NRXN1: variants seen among roughly 807,000 people sequenced by gnomAD.
NRXN1 encodes the protein neurexin-1.
In NRXN1, 39 loss-of-function variants were observed where a neutral mutation model predicts 150.9. The observed-to-expected ratio is 0.26, with a 90% CI of 0.20 to 0.34. The LOEUF is 0.34. Among genes scored for constraint, NRXN1 ranks in the 10% least tolerant of loss-of-function variants. NRXN1 has a pLI of 1.00. For synonymous variants in NRXN1, 924 were observed against 757.0 expected (o/e 1.22, Z -3.62); for missense variants, 1,815 against 1,949.9 (o/e 0.93, Z 1.30).
chr2:50,342,742 C>T (rs77226585), intron 17 of NRXN1, among the ~76,000 whole-genome samples: 1,708 of 152,338 alleles, frequency 0.011, 30 homozygotes, highest in African/African-American at 0.039. Context: ...AACCATTAAA[C>T]GGCATAGAGG....
chr2:51,018,205 C>A (rs918847782), intron 2 of NRXN1, among the ~76,000 whole-genome samples: 1 of 152,068 alleles, frequency 6.6e-6, no homozygotes, highest in African/African-American at 2.4e-5. Context: ...GAAGAAAGCC[C>A]TTCTGATGTC....
chr2:50,132,660 C>A (rs907435405), intron 18 of NRXN1, among the ~76,000 whole-genome samples: 1 of 151,940 alleles, frequency 6.6e-6, no homozygotes, highest in African/African-American at 2.4e-5. Flanking sequence ...AGGACAGAGA[C>A]AAGACTTCTT....
chr2:49,997,018 T>G (rs996286114), intron 21 of NRXN1, among the ~76,000 whole-genome samples: 34 of 152,344 alleles, frequency 2.2e-4, no homozygotes, highest in African/African-American at 7.5e-4. Flanking sequence ...TTTGCCTGTC[T>G]GCTTCGTTTG....
chr2:50,409,034 G>A (rs868716072), intron 17 of NRXN1, among the ~76,000 whole-genome samples: 2 of 152,110 alleles, frequency 1.3e-5, no homozygotes, highest in African/African-American at 2.4e-5. Context: ...TTTTTCAAGG[G>A]GAGGGGAGGG....
At chr2:50,673,963 G>T (rs1320959772) in intron 5 of NRXN1, among the ~76,000 whole-genome samples, 1 of 152,002 alleles carries the variant, frequency 6.6e-6, no homozygotes, top group African/African-American at 2.4e-5. Context: ...TGGGGTGCTG[G>T]GGGAGGCATA....
intron 17 of NRXN1, among the ~76,000 whole-genome samples, chr2:50,290,080 C>T (rs141764479): frequency 2.4e-4 from 36 of 152,120 alleles, no homozygotes; most frequent in African/African-American, 8.4e-4. Flanking sequence ...TCAGAATAAA[C>T]GATACCAGAC....
At chr2:50,161,463 GCTGA>G (rs1010971193) in intron 18 of NRXN1, among the ~76,000 whole-genome samples, 1 of 152,046 alleles carries the variant, frequency 6.6e-6, no homozygotes, top group Non-Finnish European at 1.5e-5. Flanking sequence ...AGGATGTCAG[GCTGA>G]CTGTCACTGA....
chr2:50,727,318 G>C (rs1216026394), intron 5 of NRXN1, among the ~76,000 whole-genome samples: 1 of 152,092 alleles, frequency 6.6e-6, no homozygotes, highest in Non-Finnish European at 1.5e-5. Context: ...GCTTTGTGAA[G>C]ACACAGTCAA....
At chr2:50,610,125 A>G (rs1677787081) in intron 8 of NRXN1, among the ~76,000 whole-genome samples, 2 of 152,186 alleles carry the variant, frequency 1.3e-5, no homozygotes. Flanking sequence ...CCAAAGATCT[A>G]AAGACAAGAG....
intron 18 of NRXN1, among the ~76,000 whole-genome samples, chr2:50,150,020 G>C (rs757315779): frequency 5.9e-5 from 9 of 151,610 alleles, no homozygotes; most frequent in Admixed American, 5.9e-4. Context: ...TCCAAGACTT[G>C]CACTCTTTAT....
In NRXN1 at chr2:50,074,321, C is replaced by T. The variant is rs537619206; in HGVS notation, c.3718+17002G>A. 1.4e-3 allele frequency among the ~76,000 whole-genome samples: 207 copies of T among 152,102 alleles called. 1 individual carries two copies. The highest frequency in any genetic ancestry group is 2.2e-3 in the Non-Finnish European group (148 of 67,952). On this transcript the variant is annotated intron_variant, in intron 19 of 22. Coordinates refer to ENST00000401669, the MANE Select transcript of NRXN1 (RefSeq NM_001330078.2). ...GGAAGAGTTCCCAATTTAAATCTCA[C>T]GAAATCTTGCTTTCTTAAATATGTA... is the stretch of plus-strand genomic sequence containing the variant.
intron 18 of NRXN1, among the ~76,000 whole-genome samples, chr2:50,130,052 G>A (rs1442072294): frequency 6.6e-6 from 1 of 151,986 alleles, no homozygotes; most frequent in East Asian, 1.9e-4. Context: ...TATATAAGCA[G>A]GTTATTATTC....
At chr2:50,671,861 C>A (rs1004832398) in intron 5 of NRXN1, among the ~76,000 whole-genome samples, 1 of 151,804 alleles carries the variant, frequency 6.6e-6, no homozygotes, top group South Asian at 2.1e-4. Context: ...AATTTTCCAT[C>A]AGTGTTTATG....
At chr2:50,760,488 G>GA (rs1559222873) in intron 5 of NRXN1, among the ~76,000 whole-genome samples, 35 of 151,810 alleles carry the variant, frequency 2.3e-4, no homozygotes, top group African/African-American at 8.2e-4. Context: ...TGCAATGAGG[G>GA]GAACCATCTT....
At chr2:50,747,452 T>G (rs959787309) in intron 5 of NRXN1, among the ~76,000 whole-genome samples, 1 of 152,128 alleles carries the variant, frequency 6.6e-6, no homozygotes, top group Non-Finnish European at 1.5e-5. Context: ...CTCTTGCTCT[T>G]CACACAACAC....
chr2:50,545,927 T>C (rs375618331), intron 9 of NRXN1, among the ~76,000 whole-genome samples: 4 of 152,174 alleles, frequency 2.6e-5, no homozygotes, highest in African/African-American at 9.7e-5. Context: ...ATGTAAATGC[T>C]ACATAGTTAT....
chr2:49,995,490 T>C (rs536901026), intron 21 of NRXN1, among the ~76,000 whole-genome samples: 13 of 152,062 alleles, frequency 8.5e-5, no homozygotes, highest in African/African-American at 3.1e-4. Flanking sequence ...ACCTTAAAGA[T>C]AGGAAAAGAG....
At chr2:50,751,402 C>A (rs765470497) in intron 5 of NRXN1, among the ~76,000 whole-genome samples, 34 of 151,964 alleles carry the variant, frequency 2.2e-4, no homozygotes, top group Non-Finnish European at 3.8e-4. Context: ...TCTCCCAGAT[C>A]AGGACCTATA....
chr2:50,439,833 A>G (rs1260093943), intron 17 of NRXN1, among the ~76,000 whole-genome samples: 5 of 151,196 alleles, frequency 3.3e-5, no homozygotes, highest in African/African-American at 1.2e-4. Context: ...AAAAAAAAGA[A>G]AAGAAAGATT....
Sources: allele counts gnomAD v4.1 joint callset (sites outside exome capture counted in the v4.1 genomes callset), GRCh38; gene constraint gnomAD v4.1.1; transcripts MANE v1.5; gene names NCBI Gene and HGNC (gene_info 2026-07-23, HGNC 2026-07-21).